Variants in TSPEAR observed in about 807,000 individuals in gnomAD.
TSPEAR encodes thrombospondin type laminin G domain and EAR repeats.
A neutral mutation model predicts 71.6 loss-of-function variants in TSPEAR; 69 were observed. The observed-to-expected ratio is 0.96, with a 90% CI of 0.79 to 1.18. The LOEUF is 1.18. TSPEAR is among the 50% of genes most tolerant of loss of function. The probability of loss-of-function intolerance (pLI) is 0.00; values close to 1 mark genes in which losing one functional copy is unlikely to be tolerated. For missense variants in TSPEAR, 971 were observed against 894.9 expected (o/e 1.09, Z -1.09); for synonymous variants, 402 against 387.2 (o/e 1.04, Z -0.45).
chr21:44,666,027 C>T lies in TSPEAR; in HGVS notation c.82+45406G>A, dbSNP rs587737338. On this transcript the variant is annotated intron_variant, in intron 1 of 11. Coordinates refer to ENST00000323084, the MANE Select transcript of TSPEAR (RefSeq NM_144991.3). ...GGGCCCCAGGAGCCCTGGGAGAGAC[C>T]ACATGGGCATCTGCAGCTGCGCCCT... Among the ~76,000 whole-genome samples the T allele has an allele frequency of 3.9e-5, 6 of 152,334 alleles. No homozygotes were observed. The South Asian group carries it at 8.3e-4, about 21-fold the overall frequency.
At chr21:44,699,846 G>A (rs1004608561) in intron 1 of TSPEAR, among the ~76,000 whole-genome samples, 8 of 152,186 alleles carry the variant, frequency 5.3e-5, no homozygotes, top group Admixed American at 2.6e-4. Flanking sequence ...ATCTGAAGCT[G>A]AGCTAGCGTC....
intron 8 of TSPEAR, among the ~76,000 whole-genome samples, chr21:44,523,942 GGTA>G (rs2052791386): frequency 6.6e-6 from 1 of 151,832 alleles, no homozygotes; most frequent in Non-Finnish European, 1.5e-5. Flanking sequence ...TAGCCAGTGA[GGTA>G]GTCAGTCAGT....
chr21:44,595,565 T>TCC (rs1434842135), intron 1 of TSPEAR, among the ~76,000 whole-genome samples: 1 of 152,224 alleles, frequency 6.6e-6, no homozygotes, highest in Non-Finnish European at 1.5e-5. Flanking sequence ...TAAGACGTGC[T>TCC]GGAGCCTTCT....
At chr21:44,621,573 G>A (rs1032903341) in intron 1 of TSPEAR, among the ~76,000 whole-genome samples, 3 of 152,164 alleles carry the variant, frequency 2.0e-5, no homozygotes, top group Admixed American at 1.3e-4. Context: ...GGCCCCCTGG[G>A]CAGCACATAT....
chr21:44,573,732 T>C, intron 1 of TSPEAR: 1 of 1,594,642 alleles, frequency 6.3e-7, no homozygotes, highest in South Asian at 1.1e-5. Flanking sequence ...CTCCCCCAGC[T>C]CAACCCCCAG....
chr21:44,512,550 G>A (rs139573277), intron 9 of TSPEAR, among the ~76,000 whole-genome samples: 2,225 of 152,298 alleles, frequency 0.015, 21 homozygotes, highest in Non-Finnish European at 0.021. Context: ...TGGCAGGAGC[G>A]TAGGGTGGAG....
chr21:44,627,174 G>A (rs1470457336), intron 1 of TSPEAR: 2 of 1,611,706 alleles, frequency 1.2e-6, no homozygotes, highest in Non-Finnish European at 1.7e-6. Flanking sequence ...ACCCCAGCAT[G>A]GCCGCGTCCA....
Position 44,575,186 on chromosome 21 carries a change from G to A in TSPEAR, c.83-7181C>T, listed in dbSNP as rs114829255. The A allele has an allele frequency of 2.7e-3, 1,993 of 746,130 alleles. 27 individuals are homozygous for A. In the African/African-American group the frequency reaches 0.03, roughly 11 times the overall value. 46.2% of individuals were successfully genotyped at this position (746,130 alleles called of 1,614,324 possible). A position where few individuals can be genotyped will look rare whatever the true frequency, so the allele number is the denominator to read the frequency against. On this transcript the variant is annotated intron_variant, in intron 1 of 11. Transcript: ENST00000323084. ...ATACTCAATGCTGCAGCCCTCTTGC[G>A]GGGGGAGGGGGGCGCTTCTAGAAAG...
chr21:44,521,827 G>A (rs1356696613), intron 9 of TSPEAR, 56 bp downstream of exon 9: 6 of 1,520,086 alleles, frequency 3.9e-6, no homozygotes, highest in Non-Finnish European at 5.5e-6. Flanking sequence ...AGCAGGTGCA[G>A]GTGACAGACG....
At chr21:44,634,204 G>C (rs1045738901) in intron 1 of TSPEAR, among the ~76,000 whole-genome samples, 28 of 152,162 alleles carry the variant, frequency 1.8e-4, no homozygotes, top group Non-Finnish European at 3.4e-4. Context: ...AGTTATGATT[G>C]TGCCACTGCA....
chr21:44,540,714 T>TC (rs1204594055), intron 2 of TSPEAR, among the ~76,000 whole-genome samples: 2 of 152,104 alleles, frequency 1.3e-5, no homozygotes, highest in Non-Finnish European at 2.9e-5. Context: ...GCACATTCCT[T>TC]CCCCCATCCC....
chr21:44,533,685 A>C lies in TSPEAR; in HGVS notation c.542T>G (p.Ile181Arg), dbSNP rs782774857. Reference sequence around the variant, plus strand: ...GCACCCTCCCCGGGTGGGTACCTACATGTCCACCGGGAGGCCGCAGTCCGT... The same window carrying C: ...GCACCCTCCCCGGGTGGGTACCTACCTGTCCACCGGGAGGCCGCAGTCCGT... ...LTTDCGLPVDIMADVPFPATL... is the reference protein window; with the variant it reads ...LTTDCGLPVDRMADVPFPATL... The change falls in exon 3 of 12, where the codon ATA (isoleucine) becomes AGA (arginine). Residue 181 changes from isoleucine (I) to arginine (R), a missense_variant and splice_region_variant. Ile to Arg is a moderately conservative substitution (Grantham distance 97). Coordinates refer to ENST00000323084, the MANE Select transcript of TSPEAR (RefSeq NM_144991.3). The C allele has an allele frequency of 1.4e-5, 23 of 1,605,162 alleles. No individual in the cohort carries two copies.
chr21:44,642,322 G>A lies in TSPEAR; in HGVS notation c.82+69111C>T, dbSNP rs781934807. On this transcript the variant is annotated intron_variant, in intron 1 of 11. Transcript: ENST00000323084. This position sits in a 1 kb window ranked among gnomAD's most constrained non-coding sequence, Gnocchi z 4.1. ...GCCTTCAATACAAAGACTTTTCTGTGATACTTGAAATATTCCAGAGATCAG... is the reference window on the plus strand; with the variant it reads ...GCCTTCAATACAAAGACTTTTCTGTAATACTTGAAATATTCCAGAGATCAG... Among the ~76,000 whole-genome samples, 2 of 152,160 alleles carry A rather than the reference G, an allele frequency of 1.3e-5. No homozygotes were observed. The highest frequency in any genetic ancestry group is 2.9e-5 in the Non-Finnish European group (2 of 68,042).
chr21:44,547,562 T>C (rs1314519177), intron 2 of TSPEAR, among the ~76,000 whole-genome samples: 1 of 152,256 alleles, frequency 6.6e-6, no homozygotes, highest in Non-Finnish European at 1.5e-5. Context: ...TGGTTGTTTT[T>C]GCTTGTTTAT....
At chr21:44,641,315 G>A (rs1479527198) in intron 1 of TSPEAR, among the ~76,000 whole-genome samples, 1 of 152,238 alleles carries the variant, frequency 6.6e-6, no homozygotes, top group South Asian at 2.1e-4. Flanking sequence ...AGAGGAGGAA[G>A]GAAAACACCC....
chr21:44,703,765 CTT>C (rs1446818943), intron 1 of TSPEAR, among the ~76,000 whole-genome samples: 1 of 152,154 alleles, frequency 6.6e-6, no homozygotes, highest in Non-Finnish European at 1.5e-5. Flanking sequence ...GCTGGCCACT[CTT>C]TGGGGGTTTC....
chr21:44,676,970 C>G lies in TSPEAR; in HGVS notation c.82+34463G>C. ...TCAGTAGAGAGCTTGTCAGCTGGGTCCGAAACGCTCATTCCTTTCCACCCA... is the reference window on the plus strand; with the variant it reads ...TCAGTAGAGAGCTTGTCAGCTGGGTGCGAAACGCTCATTCCTTTCCACCCA... On this transcript the variant is annotated intron_variant, in intron 1 of 11. Coordinates refer to ENST00000323084, the MANE Select transcript of TSPEAR (RefSeq NM_144991.3). 22 of 922,010 alleles carry G rather than the reference C, an allele frequency of 2.4e-5. 2 individuals are homozygous for G. The South Asian group carries it at 2.7e-4, about 11-fold the overall frequency. 57.1% of individuals were successfully genotyped at this position (922,010 alleles called of 1,614,324 possible).
chr21:44,711,206 T>C lies in TSPEAR; in HGVS notation c.82+227A>G, dbSNP rs1988201713. On this transcript the variant is annotated intron_variant, in intron 1 of 11. Coordinates refer to ENST00000323084, the MANE Select transcript of TSPEAR (RefSeq NM_144991.3). The surrounding 1 kb of genome is among the most constrained non-coding windows in gnomAD (Gnocchi z 4.5). ...GCTCGTCCCCACCCTGCGTGCGTTC[T>C]AAAGAGCCGCGTTTCTATTGCAACT... 6.6e-6 allele frequency among the ~76,000 whole-genome samples: 1 copy of C among 151,840 alleles called. No individual in the cohort carries two copies. Among genetic ancestry groups the C allele is most frequent in the Non-Finnish European group, 1.5e-5 (1 of 67,910 alleles).
rs199923733 is a variant in TSPEAR, at chr21:44,508,886, G to A, written c.1754+313C>T. ...GGCCTCGGCTATCCCTCCGCACGAC[G>A]GGCATGAAGCCCCCTCCTGCCTCCA... On this transcript the variant is annotated intron_variant, in intron 10 of 11. Coordinates refer to ENST00000323084, the MANE Select transcript of TSPEAR (RefSeq NM_144991.3). 7.4e-5 allele frequency: 108 copies of A among 1,457,634 alleles called. 1 individual carries two copies. In the South Asian group the frequency reaches 9.6e-4, roughly 13 times the overall value. 90.3% of individuals were successfully genotyped at this position (1,457,634 alleles called of 1,614,324 possible).
Sources: gnomAD v4.1 joint callset for allele counts (sites outside exome capture counted in the v4.1 genomes callset) on GRCh38, gnomAD v4.1.1 for gene constraint, Gnocchi (gnomAD v3.1) non-coding constraint, MANE v1.5 for transcripts, NCBI Gene and HGNC (gene_info 2026-07-23, HGNC 2026-07-21) for gene names.